Variants in CEP70 observed in about 807,000 individuals in gnomAD.
CEP70 encodes the protein centrosomal protein of 70 kDa.
A neutral mutation model predicts 90.9 loss-of-function variants in CEP70; 70 were observed. The observed-to-expected ratio is 0.77, with a 90% confidence interval of 0.64 to 0.94. The LOEUF is 0.94. Among genes scored for constraint, CEP70 ranks in the 40% least tolerant of loss-of-function variants. CEP70 has a pLI of 0.00. For synonymous variants in CEP70, 220 were observed against 228.3 expected (o/e 0.96, Z 0.33); for missense variants, 648 against 669.0 (o/e 0.97, Z 0.35).
intron 6 of CEP70, among the ~76,000 whole-genome samples, chr3:138,563,682 G>T (rs1163617279): frequency 6.6e-6 from 1 of 152,080 alleles, no homozygotes; most frequent in African/African-American, 2.4e-5. Flanking sequence ...AGAATCTCTG[G>T]GACACATTTA....
intron 2 of CEP70, among the ~76,000 whole-genome samples, chr3:138,589,381 G>A (rs1342758036): frequency 2.0e-5 from 3 of 151,848 alleles, no homozygotes; most frequent in East Asian, 1.9e-4. Flanking sequence ...TTGGCTGGGC[G>A]TAGTGGCTCA....
intron 2 of CEP70, among the ~76,000 whole-genome samples, chr3:138,581,694 CAAAAAAAAAA>C (rs35064874): frequency 3.8e-5 from 3 of 79,356 alleles, no homozygotes; most frequent in Non-Finnish European, 4.9e-5. Flanking sequence ...AAACTTGTCT[CAAAAAAAAAA>C]AAAAAAAAAA....
intron 11 of CEP70, among the ~76,000 whole-genome samples, chr3:138,522,656 C>CT (rs1474284319): frequency 6.6e-6 from 1 of 152,136 alleles, no homozygotes; most frequent in Non-Finnish European, 1.5e-5. Context: ...CACATACACC[C>CT]TCCCAAGACT....
intron 6 of CEP70, among the ~76,000 whole-genome samples, chr3:138,548,005 A>G (rs889805307): frequency 6.6e-6 from 1 of 152,220 alleles, no homozygotes; most frequent in Non-Finnish European, 1.5e-5. Context: ...AATCAGTTAG[A>G]TATCTCCTAA....
At chr3:138,496,803 G>C in intron 17 of CEP70, 1 of 985,370 alleles carries the variant, frequency 1.0e-6, no homozygotes, top group Non-Finnish European at 1.2e-6. Context: ...CATCTCCAGA[G>C]AAACCTGGCT....
At chr3:138,578,357 G>C (rs1475354553) in intron 2 of CEP70, among the ~76,000 whole-genome samples, 1 of 152,338 alleles carries the variant, frequency 6.6e-6, no homozygotes, top group South Asian at 2.1e-4. Flanking sequence ...TGATGGTTAT[G>C]AGAATGAGAG....
intron 6 of CEP70, among the ~76,000 whole-genome samples, chr3:138,569,775 G>T (rs1353415098): frequency 6.6e-6 from 1 of 152,206 alleles, no homozygotes; most frequent in African/African-American, 2.4e-5. Flanking sequence ...GGCTGAGGTG[G>T]AAGGATCACT....
intron 6 of CEP70, among the ~76,000 whole-genome samples, chr3:138,564,379 G>A (rs924110848): frequency 1.3e-5 from 2 of 152,066 alleles, no homozygotes; most frequent in Admixed American, 6.6e-5. Flanking sequence ...CCAAAACCTG[G>A]CAGAGACACA....
intron 6 of CEP70, among the ~76,000 whole-genome samples, chr3:138,544,116 C>G (rs2038978835): frequency 6.6e-6 from 1 of 151,986 alleles, no homozygotes; most frequent in Non-Finnish European, 1.5e-5. Flanking sequence ...CAGTAAAATC[C>G]CCATCTCTTT....
rs577313346 is a variant in CEP70 at position 138,586,625 on chromosome 3, C to A, written c.-6+5229G>T. On this transcript the variant is annotated intron_variant, in intron 2 of 17. Coordinates refer to ENST00000264982, the MANE Select transcript of CEP70 (RefSeq NM_024491.4). ...TCATTTATTTGTGGGATCCAAAAAT[C>A]AAAACAATTGAACTCATGGAGACAC... 2.0e-5 allele frequency among the ~76,000 whole-genome samples: 3 copies of A among 151,950 alleles called. No homozygotes were observed. In the South Asian group the frequency reaches 6.2e-4, roughly 32 times the overall value.
intron 6 of CEP70, among the ~76,000 whole-genome samples, chr3:138,546,525 G>T (rs2039215758): frequency 6.6e-6 from 1 of 152,148 alleles, no homozygotes; most frequent in Non-Finnish European, 1.5e-5. Flanking sequence ...AAGGTGGGCA[G>T]ATCCCTTGAG....
chr3:138,588,606 G>A (rs1261345997), intron 2 of CEP70, among the ~76,000 whole-genome samples: 1 of 152,152 alleles, frequency 6.6e-6, no homozygotes, highest in Non-Finnish European at 1.5e-5. Context: ...GGATGTGAGG[G>A]AACTAGAACT....
intron 3 of CEP70, among the ~76,000 whole-genome samples, 189 bp downstream of exon 3, chr3:138,572,670 T>G (rs943678822): frequency 6.6e-6 from 1 of 152,242 alleles, no homozygotes; most frequent in Non-Finnish European, 1.5e-5. Flanking sequence ...TGCTGTATAC[T>G]AAATCCTCCC....
At chr3:138,535,004 G>A (rs142052095) in intron 7 of CEP70, among the ~76,000 whole-genome samples, 2 of 152,216 alleles carry the variant, frequency 1.3e-5, no homozygotes, top group African/African-American at 2.4e-5. Context: ...TTCTGTCTCT[G>A]GGTTTAATCT....
At chr3:138,554,273 T>G (rs1236407056) in intron 6 of CEP70, among the ~76,000 whole-genome samples, 1 of 151,508 alleles carries the variant, frequency 6.6e-6, no homozygotes, top group African/African-American at 2.4e-5. Flanking sequence ...GGGACATACC[T>G]CAAAGTAATA....
chr3:138,560,525 C>G (rs1009510828), intron 6 of CEP70, among the ~76,000 whole-genome samples: 7 of 151,778 alleles, frequency 4.6e-5, no homozygotes, highest in African/African-American at 9.7e-5. Flanking sequence ...GAGACAGAAC[C>G]GTTTGCTCCC....
chr3:138,566,230 G>T (rs1437514285), intron 6 of CEP70, among the ~76,000 whole-genome samples: 2 of 152,016 alleles, frequency 1.3e-5, no homozygotes, highest in Admixed American at 6.6e-5. Flanking sequence ...TGTTGGTGGG[G>T]GTGTAAATTA....
At chr3:138,497,433 A>C in intron 17 of CEP70, 1 of 1,121,038 alleles carries the variant, frequency 8.9e-7, no homozygotes, top group Non-Finnish European at 1.1e-6. Flanking sequence ...TAAGATAAAT[A>C]ATTTTATAGC....
chr3:138,574,196 G>C (rs1294245586), intron 2 of CEP70, among the ~76,000 whole-genome samples: 1 of 152,208 alleles, frequency 6.6e-6, no homozygotes, highest in Non-Finnish European at 1.5e-5. Context: ...GCCAAAGGAA[G>C]CCGTGACAGA....
Sources: allele counts gnomAD v4.1 joint callset (sites outside exome capture counted in the v4.1 genomes callset), GRCh38; gene constraint gnomAD v4.1.1; transcripts MANE v1.5; gene names NCBI Gene and HGNC (gene_info 2026-07-23, HGNC 2026-07-21).